Variants in GPSM1 observed in about 807,000 individuals in gnomAD.
GPSM1 encodes G protein signaling modulator 1.
Under a neutral mutation model 70.5 loss-of-function variants are expected in GPSM1, and 48 were observed. The ratio of observed to expected loss-of-function variants is 0.68; its 90% confidence interval spans 0.54 to 0.87. GPSM1 has a LOEUF of 0.87. GPSM1 is among the 40% of genes least tolerant of loss of function. The pLI is 0.00. For missense variants in GPSM1, 981 were observed against 972.6 expected (o/e 1.01, Z -0.11); for synonymous variants, 416 against 430.1 (o/e 0.97, Z 0.41).
At chr9:136,339,859 C>G in intron 8 of GPSM1, 44 bp downstream of exon 8, 7 of 1,261,124 alleles carry the variant, frequency 5.6e-6, no homozygotes, top group Non-Finnish European at 7.9e-6. Context: ...CTGCCCAGCC[C>G]ACTCCAGACG....
intron 1 of GPSM1, among the ~76,000 whole-genome samples, chr9:136,332,825 AC>A (rs1270541191): frequency 8.0e-6 from 1 of 124,524 alleles, no homozygotes; most frequent in African/African-American, 3.2e-5. Flanking sequence ...ACATAGTGAG[AC>A]CCCCATCTCT....
At chr9:136,344,283 G>A (rs1026104010) in intron 9 of GPSM1, among the ~76,000 whole-genome samples, 3 of 152,024 alleles carry the variant, frequency 2.0e-5, no homozygotes, top group African/African-American at 7.2e-5. Context: ...AACAGGGGAA[G>A]CAGGCTGCAG....
intron 1 of GPSM1, among the ~76,000 whole-genome samples, chr9:136,330,326 C>T (rs572004494): frequency 6.6e-5 from 10 of 152,238 alleles, no homozygotes; most frequent in Admixed American, 2.0e-4. Context: ...CTGGGCCCCC[C>T]GCAACCTCTC....
Position 136,358,082 on chromosome 9 carries a change from C to A in GPSM1, c.1890C>A (p.Asp630Glu). 3 of 1,612,738 alleles carry A rather than the reference C, an allele frequency of 1.9e-6. No homozygotes were observed. The highest frequency in any genetic ancestry group is 2.5e-6 in the Non-Finnish European group (3 of 1,179,800). ...TGCCCCGGGGCCCTACCATGCCGGA[C>A]GAGGACTTCTTCAGCCTCATTCAGA... The part of the protein sequence containing the change: ...DVLPRGPTMP[D>E]EDFFSLIQRV... The change falls in exon 14 of 14, where the codon GAC becomes GAA. Residue 630 changes from aspartate to glutamate, a missense_variant. Asp to Glu is a conservative substitution (Grantham distance 45, BLOSUM62 2). Coordinates refer to ENST00000440944, the MANE Select transcript of GPSM1 (RefSeq NM_001145638.3).
Position 136,356,358 on chromosome 9 carries a change from G to A in GPSM1, c.1629G>A (p.Thr543=), listed in dbSNP as rs200286751. 5.3e-5 allele frequency: 84 copies of A among 1,592,926 alleles called. No homozygotes were observed. Among genetic ancestry groups the A allele is most frequent in the Admixed American group, 6.8e-5 (4 of 58,456 alleles). ...CCCCCGCAGCCCAGCCCTCGATGAC[G>A]GCCTCGCCCCAGACCGAGGAATTCT... ...LEDRIAQPSM[T]ASPQTEEFFD... The change falls in exon 13 of 14, where the codon ACG becomes ACA. Residue 543 remains threonine (T), a synonymous_variant. Transcript: ENST00000440944.
chr9:136,327,690 C>T lies in GPSM1; in HGVS notation c.-6C>T. The T allele has an allele frequency of 9.0e-7, 1 of 1,115,940 alleles. No homozygotes were observed. Among genetic ancestry groups the T allele is most frequent in the Non-Finnish European group, 1.1e-6 (1 of 912,160 alleles). 69.1% of individuals were successfully genotyped at this position (1,115,940 alleles called of 1,614,324 possible). A position where few individuals can be genotyped will look rare whatever the true frequency, so the allele number is the denominator to read the frequency against. On this transcript the variant is annotated 5_prime_UTR_variant, in exon 1 of 14. Coordinates refer to ENST00000440944, the MANE Select transcript of GPSM1 (RefSeq NM_001145638.3). ...CTCCCGGCTCCCGCTCCCGCGTCCC[C>T]GACCCATGGCGGGCCCGGCCCCGCC...
At chr9:136,333,963 GGCCTTCACAA>G (rs1832163462) in intron 1 of GPSM1, among the ~76,000 whole-genome samples, 1 of 151,114 alleles carries the variant, frequency 6.6e-6, no homozygotes, top group Non-Finnish European at 1.5e-5. Flanking sequence ...ACCCCCATGT[GGCCTTCACAA>G]GCCCCCACTA....
At position 136,341,461 on chromosome 9, in the gene GPSM1, G is replaced by C; in HGVS notation, c.1207+468G>C. 7.4e-7 allele frequency: 1 copy of C among 1,345,426 alleles called. No homozygotes were observed. Among genetic ancestry groups the C allele is most frequent in the Non-Finnish European group, 9.5e-7 (1 of 1,050,772 alleles). The allele number at this position is 1,345,426 out of a possible 1,614,324, so 83.3% of individuals were successfully genotyped here. ...CCCAAGGCCATGCGAGGCCACCGTGGTGACCTCATTCATGGACCGCTGGTC... is the reference window on the plus strand; with the variant it reads ...CCCAAGGCCATGCGAGGCCACCGTGCTGACCTCATTCATGGACCGCTGGTC... On this transcript the variant is annotated intron_variant, in intron 9 of 13. Coordinates refer to ENST00000440944, the MANE Select transcript of GPSM1 (RefSeq NM_001145638.3). The surrounding 1 kb of genome is among the most constrained non-coding windows in gnomAD (Gnocchi z 6.7).
At position 136,334,643 on chromosome 9, in the gene GPSM1, C is replaced by G. The variant is rs781973737; in HGVS notation, c.265C>G (p.His89Asp). 2 of 1,612,144 alleles carry G rather than the reference C, an allele frequency of 1.2e-6. No homozygotes were observed. Among genetic ancestry groups the G allele is most frequent in the Non-Finnish European group, 1.7e-6 (2 of 1,179,836 alleles). The change falls in exon 2 of 14, where the codon CAC becomes GAC. Residue 89 changes from histidine (H) to aspartate (D), a missense_variant. Coordinates refer to ENST00000440944, the MANE Select transcript of GPSM1 (RefSeq NM_001145638.3). The part of the protein sequence containing the change: ...LKEHGRALEY[H>D]KHDLLLARTI... ...GGAGCACGGCCGGGCGCTGGAATAC[C>G]ACAAGCATGACCTCCTGCTGGCGCG...
rs926373243 is a variant in GPSM1, at chr9:136,342,196, G to T, written c.1207+1203G>T. Among the ~76,000 whole-genome samples the T allele has an allele frequency of 1.3e-5, 2 of 152,136 alleles. No individual in the cohort carries two copies. Among genetic ancestry groups the T allele is most frequent in the Non-Finnish European group, 2.9e-5 (2 of 68,012 alleles). ...CTACCCATGGCCGGGGTTTCCTAAG[G>T]GTGGGGAGCTCTGCCGAGAGCTCCT... is the stretch of plus-strand genomic sequence containing the variant. On this transcript the variant is annotated intron_variant, in intron 9 of 13. Transcript: ENST00000440944. The surrounding 1 kb of genome is among the most constrained non-coding windows in gnomAD (Gnocchi z 5.5).
intron 11 of GPSM1, among the ~76,000 whole-genome samples, chr9:136,351,004 G>A (rs1832646935): frequency 6.6e-6 from 1 of 152,202 alleles, no homozygotes; most frequent in African/African-American, 2.4e-5. Flanking sequence ...GGGCACCGAT[G>A]GGCCGAGTCC....
rs1456088699 is a variant in GPSM1 at position 136,340,904 on chromosome 9, T to A, written c.1118T>A (p.Met373Lys). Residue 373 changes from methionine (M) to lysine (K), a missense_variant, in exon 9 of 14, where the codon ATG becomes AAG. Coordinates refer to ENST00000440944, the MANE Select transcript of GPSM1 (RefSeq NM_001145638.3). The surrounding 1 kb of genome is among the most constrained non-coding windows in gnomAD (Gnocchi z 7.3). The part of the protein sequence containing the change: ...GDRHGELTAR[M>K]NVAQLQLVLG... The stretch of plus-strand genomic sequence containing the variant: ...CGCCATGGGGAGCTCACGGCCCGCA[T>A]GAACGTGGCGCAGCTGCAGCTGGTG... The A allele has an allele frequency of 6.3e-7, 1 of 1,576,038 alleles. No homozygotes were observed. The highest frequency in any genetic ancestry group is 8.6e-7 in the Non-Finnish European group (1 of 1,162,518).
rs1832413793 is a variant in GPSM1 at position 136,342,407 on chromosome 9, G to A, written c.1207+1414G>A. On this transcript the variant is annotated intron_variant, in intron 9 of 13. Coordinates refer to ENST00000440944, the MANE Select transcript of GPSM1 (RefSeq NM_001145638.3). The surrounding 1 kb of genome is among the most constrained non-coding windows in gnomAD (Gnocchi z 5.5). ...GGGGGGCCGGAGTGGGAGGACGCTG[G>A]AACAATGCAGCTTCTGTCCCTCTCT... Among the ~76,000 whole-genome samples, 6 of 152,184 alleles carry A rather than the reference G, an allele frequency of 3.9e-5. No homozygotes were observed. The highest frequency in any genetic ancestry group is 3.9e-4 in the Admixed American group (6 of 15,290).
chr9:136,357,013 A>G (rs879967497), intron 13 of GPSM1, among the ~76,000 whole-genome samples: 2 of 152,174 alleles, frequency 1.3e-5, no homozygotes, highest in Non-Finnish European at 2.9e-5. Context: ...GGGACCACAC[A>G]GTGGACGGCA....
chr9:136,337,770 G>A (rs1832280719), intron 5 of GPSM1, 76 bp from the exon 6 acceptor site: 1 of 1,215,068 alleles, frequency 8.2e-7, no homozygotes, highest in Non-Finnish European at 1.2e-6. Flanking sequence ...ACCTGGGCAG[G>A]GAGGCAGCCC....
At position 136,338,630 on chromosome 9, in the gene GPSM1, C is replaced by G. The variant is rs781983961; in HGVS notation, c.894C>G (p.Thr298=). The G allele has an allele frequency of 8.7e-6, 14 of 1,607,982 alleles. No homozygotes were observed. Among genetic ancestry groups the G allele is most frequent in the Non-Finnish European group, 1.2e-5 (14 of 1,178,314 alleles). ...AGGCCTGCTACAGTCTGGGCAACACCTACACGCTGCTGCAGGACTACGAGC... is the reference window on the plus strand; with the variant it reads ...AGGCCTGCTACAGTCTGGGCAACACGTACACGCTGCTGCAGGACTACGAGC... ...EAQACYSLGN[T]YTLLQDYERA... is the part of the protein sequence containing the mutation. The change falls in exon 7 of 14, where the codon ACC becomes ACG. Residue 298 remains threonine, a synonymous_variant. Coordinates refer to ENST00000440944, the MANE Select transcript of GPSM1 (RefSeq NM_001145638.3).
At chr9:136,344,791 G>C (rs28501579) in intron 9 of GPSM1, among the ~76,000 whole-genome samples, 4,405 of 152,294 alleles carry the variant, frequency 0.029, 232 homozygotes, top group African/African-American at 0.098. Flanking sequence ...TGGAGCTGAC[G>C]GAGCAAGGCG....
At chr9:136,353,962 G>A (rs1832742071) in intron 11 of GPSM1, among the ~76,000 whole-genome samples, 1 of 152,206 alleles carries the variant, frequency 6.6e-6, no homozygotes, top group Non-Finnish European at 1.5e-5. Context: ...CACAGACTGG[G>A]CCAATTCTCC....
intron 1 of GPSM1, 103 bp from the exon 2 acceptor site, chr9:136,334,344 C>G (rs1391241468): frequency 2.6e-5 from 20 of 765,734 alleles, no homozygotes; most frequent in Non-Finnish European, 3.9e-5. Context: ...GGTGTGTGCC[C>G]TAGCCCACCC....
Sources: gnomAD v4.1 joint callset for allele counts (sites outside exome capture counted in the v4.1 genomes callset) on GRCh38, gnomAD v4.1.1 for gene constraint, Gnocchi (gnomAD v3.1) non-coding constraint, MANE v1.5 for transcripts, NCBI Gene and HGNC (gene_info 2026-07-23, HGNC 2026-07-21) for gene names.